The following NTMT1 variants were observed in gnomAD, a reference collection of about 807,000 sequenced individuals.
NTMT1 encodes N-terminal Xaa-Pro-Lys N-methyltransferase 1, also known as N-terminal RCC1 methyltransferase.
In NTMT1, 8 loss-of-function variants were observed where a neutral mutation model predicts 17.5. The ratio of observed to expected loss-of-function variants is 0.46; its 90% confidence interval spans 0.27 to 0.82. The LOEUF (loss-of-function observed/expected upper bound fraction) is 0.82, where lower values mean the gene tolerates loss of function less well. Ranked by LOEUF, NTMT1 falls within the 40% of genes least tolerant of loss-of-function variation. The pLI is 0.15. For missense variants in NTMT1, 221 were observed against 303.5 expected (o/e 0.73, Z 2.02); for synonymous variants, 128 against 126.8 (o/e 1.01, Z -0.06).
chr9:129,631,044 TC>T (rs908704203), intron 1 of NTMT1, among the ~76,000 whole-genome samples: 1 of 152,010 alleles, frequency 6.6e-6, no homozygotes, highest in African/African-American at 2.4e-5. Flanking sequence ...TCCACAGTCT[TC>T]CCCCGCTCCA....
intron 1 of NTMT1, among the ~76,000 whole-genome samples, chr9:129,617,811 G>A (rs1224232622): frequency 6.6e-6 from 1 of 152,080 alleles, no homozygotes; most frequent in Non-Finnish European, 1.5e-5. Context: ...AGCCTCCCGA[G>A]TAGCTGGAAC....
chr9:129,621,119 T>C (rs1432998626), intron 1 of NTMT1, among the ~76,000 whole-genome samples: 2 of 152,220 alleles, frequency 1.3e-5, no homozygotes, highest in African/African-American at 4.8e-5. Context: ...TTAGCCTGCC[T>C]TGCAGTGTTC....
At chr9:129,612,847 AGAGGG>A (rs771773282) in intron 1 of NTMT1, among the ~76,000 whole-genome samples, 42 of 151,988 alleles carry the variant, frequency 2.8e-4, no homozygotes, top group Non-Finnish European at 1.0e-4. Context: ...CAAAGAGAGG[AGAGGG>A]GAGGGGAGGG....
rs368047969 is a variant in NTMT1, at chr9:129,613,478, C to A, written c.-55+4300C>A. 6.2e-7 allele frequency: 1 copy of A among 1,614,150 alleles called. No individual in the cohort carries two copies. Among genetic ancestry groups the A allele is most frequent in the Non-Finnish European group, 8.5e-7 (1 of 1,180,028 alleles). On this transcript the variant is annotated intron_variant, in intron 1 of 3. Coordinates refer to the NTMT1 transcript ENST00000372486. The surrounding 1 kb of genome is among the most constrained non-coding windows in gnomAD (Gnocchi z 6.2). ...CACGAGGAGCTGGCCAGGGTCTCCT[C>A]CTTGGCCCCAGGGTACAGGGCTTTG...
intron 2 of NTMT1, chr9:129,633,153 C>A: frequency 1.0e-5 from 5 of 479,450 alleles, no homozygotes; most frequent in Non-Finnish European, 1.8e-5. Flanking sequence ...GGGACGAAAC[C>A]CTTGCTCTCC....
intron 1 of NTMT1, among the ~76,000 whole-genome samples, chr9:129,616,100 A>T (rs1048367680): frequency 1.3e-5 from 2 of 152,186 alleles, no homozygotes; most frequent in Non-Finnish European, 2.9e-5. Context: ...TGTCTGTAAA[A>T]TGGGAATCAT....
chr9:129,632,472 G>A (rs1043246543), intron 1 of NTMT1, among the ~76,000 whole-genome samples, 178 bp from the exon 2 acceptor site: 1 of 152,220 alleles, frequency 6.6e-6, no homozygotes, highest in Non-Finnish European at 1.5e-5. Flanking sequence ...TGCTCTGAGT[G>A]CAAAAGACAG....
Position 129,620,237 on chromosome 9 carries a change from TC to T in NTMT1, c.-55+11062del. The T allele has an allele frequency of 1.5e-6, 2 of 1,340,406 alleles. No homozygotes were observed. The highest frequency in any genetic ancestry group is 2.0e-5 in the South Asian group (1 of 49,948). The allele number at this position is 1,340,406 out of a possible 1,614,324, so 83.0% of individuals were successfully genotyped here. ...AGGCCCTGGCTGCCTGGGCGCCGAT[TC>T]CCGGGACGCGCCGGCCGACAGCAGG... is the stretch of plus-strand genomic sequence containing the variant. On this transcript the variant is annotated intron_variant, in intron 1 of 3. Transcript: ENST00000372486. The surrounding 1 kb of genome is among the most constrained non-coding windows in gnomAD (Gnocchi z 5.8).
Position 129,617,975 on chromosome 9 carries a change from T to C in NTMT1, c.-55+8797T>C, listed in dbSNP as rs112156615. 1.6e-3 allele frequency among the ~76,000 whole-genome samples: 242 copies of C among 152,298 alleles called. 3 individuals carry two copies. The highest frequency in any genetic ancestry group is 5.2e-3 in the African/African-American group (215 of 41,570). ...CTGGGATTATAGGCATGAGCCACCA[T>C]GCTTGGCCATGTGTTCCATTTCTAG... is the stretch of plus-strand genomic sequence containing the variant. On this transcript the variant is annotated intron_variant, in intron 1 of 3. Transcript: ENST00000372486.
At chr9:129,629,652 G>A (rs1831058439) in intron 1 of NTMT1, among the ~76,000 whole-genome samples, 2 of 152,174 alleles carry the variant, frequency 1.3e-5, no homozygotes, top group South Asian at 4.1e-4. Flanking sequence ...CGGGGAGGGT[G>A]TTATGTGCAA....
At position 129,614,453 on chromosome 9, in the gene NTMT1, C is replaced by G. The variant is rs1454443322; in HGVS notation, c.-55+5275C>G. 3.3e-5 allele frequency among the ~76,000 whole-genome samples: 5 copies of G among 152,154 alleles called. No homozygotes were observed. Among genetic ancestry groups the G allele is most frequent in the Admixed American group, 3.3e-4 (5 of 15,268 alleles). ...CCTGAAACTGCACATAGTGGGTGCT[C>G]AATAAACAGCTAGAGGACATTGACT... On this transcript the variant is annotated intron_variant, in intron 1 of 3. Coordinates refer to the NTMT1 transcript ENST00000372486. This position sits in a 1 kb window ranked among gnomAD's most constrained non-coding sequence, Gnocchi z 4.4.
At chr9:129,612,154 A>T (rs1830127181) in intron 1 of NTMT1, 1 of 577,508 alleles carries the variant, frequency 1.7e-6, no homozygotes, top group Admixed American at 2.9e-5. Context: ...CCTCAGCCTC[A>T]TCCTGGCTGT....
At chr9:129,635,083 G>T (rs1403572645) in intron 3 of NTMT1, 125 bp from the exon 4 acceptor site, 1 of 1,105,800 alleles carries the variant, frequency 9.0e-7, no homozygotes, top group Non-Finnish European at 1.3e-6. Context: ...GAGCCAATGA[G>T]GCCATGTGTG....
chr9:129,622,304 C>G (rs1239993352), upstream of NTMT1, among the ~76,000 whole-genome samples: 2 of 152,090 alleles, frequency 1.3e-5, no homozygotes, highest in African/African-American at 4.8e-5. Flanking sequence ...ACCAGCCTGG[C>G]CAACATGGTG....
At chr9:129,612,069 T>C (rs1253778524) in intron 1 of NTMT1, among the ~76,000 whole-genome samples, 3 of 152,026 alleles carry the variant, frequency 2.0e-5, no homozygotes, top group African/African-American at 7.3e-5. Context: ...GTTTCAGGTA[T>C]GTGGCAGGGT....
At chr9:129,623,345 A>AGGAAGGAAG (rs1564342255), upstream of NTMT1, among the ~76,000 whole-genome samples, 1 of 142,646 alleles carries the variant, frequency 7.0e-6, no homozygotes, top group Non-Finnish European at 1.5e-5. Flanking sequence ...AAAAAAAAAA[A>AGGAAGGAAG]GAAGGAAGGA....
At chr9:129,619,873 G>A (rs764628873) in intron 1 of NTMT1, 6 of 1,598,608 alleles carry the variant, frequency 3.8e-6, no homozygotes, top group Non-Finnish European at 5.1e-6. Context: ...GCTGGGGGAC[G>A]GTCCTTTCTA....
chr9:129,623,828 C>CT (rs11375035), upstream of NTMT1, among the ~76,000 whole-genome samples: 114 of 130,626 alleles, frequency 8.7e-4, 3 homozygotes, highest in Admixed American at 2.4e-3. Flanking sequence ...CTTTTCTTTT[C>CT]TTTTTTTTTT....
chr9:129,620,725 G>C lies in NTMT1; in HGVS notation c.-55+11547G>C. 1 of 669,532 alleles carries C rather than the reference G, an allele frequency of 1.5e-6. No individual in the cohort carries two copies. Among genetic ancestry groups the C allele is most frequent in the Non-Finnish European group, 2.1e-6 (1 of 475,158 alleles). 41.5% of individuals were successfully genotyped at this position (669,532 alleles called of 1,614,324 possible). A position where few individuals can be genotyped will look rare whatever the true frequency, so the allele number is the denominator to read the frequency against. Reference sequence around the variant, plus strand: ...GAACGCCACCGGCCCGGCGGACAGCGAGTGGCTTCAGGCGAGAGCTCCCAG... The same window carrying C: ...GAACGCCACCGGCCCGGCGGACAGCCAGTGGCTTCAGGCGAGAGCTCCCAG... On this transcript the variant is annotated intron_variant, in intron 1 of 3. Transcript: ENST00000372486. This position sits in a 1 kb window ranked among gnomAD's most constrained non-coding sequence, Gnocchi z 5.8.
Sources: gnomAD v4.1 joint callset for allele counts (sites outside exome capture counted in the v4.1 genomes callset) on GRCh38, gnomAD v4.1.1 for gene constraint, Gnocchi (gnomAD v3.1) non-coding constraint, MANE v1.5 for transcripts, NCBI Gene and HGNC (gene_info 2026-07-23, HGNC 2026-07-21) for gene names.